Variants in TXNRD1 observed in about 807,000 individuals in gnomAD.
TXNRD1 encodes thioredoxin reductase 1, also known as thioredoxin reductase 1, cytoplasmic.
Under a neutral mutation model 80.3 loss-of-function variants are expected in TXNRD1, and 57 were observed. That is an observed-to-expected ratio of 0.71 (90% CI 0.57 to 0.89). The LOEUF (loss-of-function observed/expected upper bound fraction) is 0.89. Among genes scored for constraint, TXNRD1 ranks in the 40% least tolerant of loss-of-function variants. The probability of loss-of-function intolerance (pLI) is 0.00; values close to 1 mark genes in which losing one functional copy is unlikely to be tolerated. For synonymous variants in TXNRD1, 291 were observed against 285.2 expected, an observed-to-expected ratio of 1.02 and a Z score of -0.20; for missense variants, 730 against 803.0, an observed-to-expected ratio of 0.91 and a Z score of 1.10.
At chr12:104,298,215 C>T (rs1184161596) in intron 4 of TXNRD1, among the ~76,000 whole-genome samples, 2 of 152,160 alleles carry the variant, frequency 1.3e-5, no homozygotes, top group Non-Finnish European at 2.9e-5. Context: ...GAAAAATGCA[C>T]ATAAATAATT....
chr12:104,265,379 C>T, intron 3 of TXNRD1: 1 of 1,607,754 alleles, frequency 6.2e-7, no homozygotes, highest in Non-Finnish European at 8.5e-7. Context: ...AAATGCCACA[C>T]GCCGCCCCTC....
At chr12:104,330,856 C>T (rs897952990) in intron 13 of TXNRD1, among the ~76,000 whole-genome samples, 2 of 151,856 alleles carry the variant, frequency 1.3e-5, no homozygotes, top group Non-Finnish European at 2.9e-5. Context: ...CCAAAGTGCT[C>T]GGATTACAGG....
rs34368560 is a variant in TXNRD1, at chr12:104,326,379, A to G, written c.1341A>G (p.Thr447=). The G allele has an allele frequency of 2.3e-3, 3,735 of 1,596,380 alleles. 75 individuals are homozygous for G. The African/African-American group carries it at 0.042, about 18-fold the overall frequency. ...VMLAIGRDAC[T]RKIGLETVGV... ...TGGCAATAGGAAGAGATGCTTGCAC[A>G]AGAAAAATTGGCTTAGAAACCGTAG... Residue 447 remains threonine (T), a synonymous_variant, in exon 12 of 17, where the codon ACA becomes ACG. Coordinates refer to ENST00000525566, the MANE Select transcript of TXNRD1 (RefSeq NM_001093771.3).
chr12:104,325,119 T>C (rs1310945985), intron 10 of TXNRD1, among the ~76,000 whole-genome samples: 2 of 152,162 alleles, frequency 1.3e-5, no homozygotes, highest in African/African-American at 4.8e-5. Flanking sequence ...GAGAACTCTT[T>C]CAAAGAAAGC....
chr12:104,286,718 G>A, intron 3 of TXNRD1: 2 of 1,000,026 alleles, frequency 2.0e-6, no homozygotes, highest in Non-Finnish European at 2.4e-6. Flanking sequence ...GCAAAGTTCT[G>A]TAGCTACTGC....
At chr12:104,252,661 TTTA>T (rs201151013) in intron 2 of TXNRD1, among the ~76,000 whole-genome samples, 5,859 of 58,298 alleles carry the variant, frequency 0.1, 624 homozygotes, top group East Asian at 0.39. Context: ...TTTATTATTT[TTTA>T]TATATATATA....
At chr12:104,342,504 T>C (rs2036360057) in intron 16 of TXNRD1, among the ~76,000 whole-genome samples, 1 of 152,190 alleles carries the variant, frequency 6.6e-6, no homozygotes, top group Non-Finnish European at 1.5e-5. Context: ...GAGGGAGTTC[T>C]TACCTAAGAC....
At chr12:104,283,510 A>G (rs2033919960) in intron 3 of TXNRD1, among the ~76,000 whole-genome samples, 1 of 150,972 alleles carries the variant, frequency 6.6e-6, no homozygotes. Context: ...TCCGCCTCCC[A>G]AAGTGTTGGG....
chr12:104,222,185 T>C (rs1396194421), intron 1 of TXNRD1, among the ~76,000 whole-genome samples: 3 of 152,164 alleles, frequency 2.0e-5, no homozygotes, highest in Non-Finnish European at 2.9e-5. Flanking sequence ...TGTGAATGTG[T>C]AGAATAATGT....
intron 6 of TXNRD1, among the ~76,000 whole-genome samples, chr12:104,313,845 C>A (rs952490647): frequency 2.0e-5 from 3 of 152,066 alleles, no homozygotes; most frequent in African/African-American, 7.2e-5. Context: ...ACAAAAGATA[C>A]CTAAGAACTT....
At chr12:104,287,383 T>C in intron 3 of TXNRD1, 1 of 1,614,022 alleles carries the variant, frequency 6.2e-7, no homozygotes, top group African/African-American at 1.3e-5. Context: ...GGCGGTTTCC[T>C]TCCTCTTGGT....
chr12:104,300,676 T>G (rs2034592274), intron 4 of TXNRD1, among the ~76,000 whole-genome samples: 2 of 152,138 alleles, frequency 1.3e-5, no homozygotes, highest in African/African-American at 4.8e-5. Context: ...TTGTTTTGTT[T>G]TGTTTTGTTT....
At chr12:104,331,379 T>A (rs551135106) in intron 13 of TXNRD1, among the ~76,000 whole-genome samples, 155 bp from the exon 14 acceptor site, 1 of 152,238 alleles carries the variant, frequency 6.6e-6, no homozygotes, top group African/African-American at 2.4e-5. Flanking sequence ...CTCAATGTAG[T>A]AGATTAATTA....
At chr12:104,257,061 A>C (rs1230568943) in intron 2 of TXNRD1, among the ~76,000 whole-genome samples, 1 of 140,980 alleles carries the variant, frequency 7.1e-6, no homozygotes, top group Non-Finnish European at 1.5e-5. Context: ...ATTTTATTGT[A>C]TAACTGGAGG....
intron 3 of TXNRD1, among the ~76,000 whole-genome samples, chr12:104,271,457 A>G (rs529434585): frequency 1.1e-4 from 16 of 152,202 alleles, no homozygotes; most frequent in South Asian, 6.2e-4. Flanking sequence ...GATTACAGGC[A>G]TGAGCCACCA....
In TXNRD1 at chr12:104,294,241, C is replaced by CCT. The variant is rs1565882958; in HGVS notation, c.414+5202_414+5203insTC. Reference sequence around the variant, plus strand: ...AACTCCCCCGGGGAAAGGCCCCCCCCCCCGCCGCCGGCTTTCCCGGTCTGC... The same window carrying CCT: ...AACTCCCCCGGGGAAAGGCCCCCCCCCTCCCGCCGCCGGCTTTCCCGGTCTGC... On this transcript the variant is annotated intron_variant, in intron 4 of 16. Transcript: ENST00000525566. Among the ~76,000 whole-genome samples the CCT allele has an allele frequency of 8.1e-4, 101 of 124,804 alleles. 20 individuals carry two copies. Among genetic ancestry groups the CCT allele is most frequent in the Admixed American group, 3.2e-3 (41 of 12,762 alleles). The allele number at this position is 124,804 out of a possible 152,430, so 81.9% of individuals were successfully genotyped here.
At chr12:104,230,487 T>C (rs2032594952) in intron 1 of TXNRD1, among the ~76,000 whole-genome samples, 1 of 152,232 alleles carries the variant, frequency 6.6e-6, no homozygotes, top group Non-Finnish European at 1.5e-5. Context: ...CACTAGTTAT[T>C]GTCTATCTTT....
chr12:104,302,486 C>CTTTTTTTTTTTTTTTTTTTTTTTTTTT (rs772202256), intron 4 of TXNRD1, among the ~76,000 whole-genome samples: 1 of 76,226 alleles, frequency 1.3e-5, no homozygotes, highest in African/African-American at 5.8e-5. Flanking sequence ...TATTCATTCC[C>CTTTTTTTTTTTTTTTTTTTTTTTTTTT]TTTTTTTTTT....
intron 4 of TXNRD1, among the ~76,000 whole-genome samples, chr12:104,306,326 C>T (rs974333147): frequency 6.6e-6 from 1 of 152,138 alleles, no homozygotes; most frequent in Non-Finnish European, 1.5e-5. Context: ...GCATAAATTA[C>T]AACCTTATTT....
Sources: gnomAD v4.1 joint callset for allele counts (sites outside exome capture counted in the v4.1 genomes callset) on GRCh38, gnomAD v4.1.1 for gene constraint, MANE v1.5 for transcripts, NCBI Gene and HGNC (gene_info 2026-07-23, HGNC 2026-07-21) for gene names.